Variants in MPHOSPH8 observed in about 807,000 individuals in gnomAD.
MPHOSPH8 encodes the protein M-phase phosphoprotein 8.
A neutral mutation model predicts 87.3 loss-of-function variants in MPHOSPH8; 45 were observed. The observed-to-expected ratio is 0.52, with a 90% CI of 0.41 to 0.66. The LOEUF (loss-of-function observed/expected upper bound fraction) is 0.66. Ranked by LOEUF, MPHOSPH8 falls within the 30% of genes least tolerant of loss-of-function variation. The probability of loss-of-function intolerance (pLI) is 0.00; values close to 1 mark genes in which losing one functional copy is unlikely to be tolerated. For synonymous variants in MPHOSPH8, 366 were observed against 376.9 expected (o/e 0.97, Z 0.33); for missense variants, 883 against 1,020.2 (o/e 0.87, Z 1.83).
chr13:19,635,778 G>A (rs1441823944), intron 1 of MPHOSPH8, among the ~76,000 whole-genome samples: 1 of 152,172 alleles, frequency 6.6e-6, no homozygotes, highest in Non-Finnish European at 1.5e-5. Context: ...TATGATTAAA[G>A]ATGATATGGT....
intron 9 of MPHOSPH8, among the ~76,000 whole-genome samples, chr13:19,663,555 T>G (rs1290429947): frequency 2.0e-5 from 3 of 152,194 alleles, no homozygotes; most frequent in African/African-American, 7.2e-5. Flanking sequence ...CTCTGTGTGT[T>G]CGTCATTTTA....
At chr13:19,635,493 C>G (rs1407176393) in intron 1 of MPHOSPH8, among the ~76,000 whole-genome samples, 2 of 152,056 alleles carry the variant, frequency 1.3e-5, no homozygotes, top group Non-Finnish European at 1.5e-5. Flanking sequence ...GCGCCACTGC[C>G]CTCCAGCCTG....
chr13:19,646,793 G>A lies in MPHOSPH8; in HGVS notation c.720G>A (p.Thr240=), dbSNP rs754513285. 1.0e-5 allele frequency: 16 copies of A among 1,579,806 alleles called. No homozygotes were observed. Among genetic ancestry groups the A allele is most frequent in the Non-Finnish European group, 1.3e-5 (15 of 1,168,086 alleles). Residue 240 remains threonine (T), a synonymous_variant, in exon 3 of 14, where the codon ACG becomes ACA. Coordinates refer to ENST00000361479, the MANE Select transcript of MPHOSPH8 (RefSeq NM_017520.4). The part of the protein sequence containing the change: ...VKKGEIRDLK[T]KTREDPKENR... ...AGGGTGAAATAAGAGATTTAAAGACGAAAACAAGAGAAGATCCCAAAGAAA... is the reference window on the plus strand; with the variant it reads ...AGGGTGAAATAAGAGATTTAAAGACAAAAACAAGAGAAGATCCCAAAGAAA...
chr13:19,633,719 T>A lies in MPHOSPH8; in HGVS notation c.-30T>A. ...CTGCTGGGGTGTTTGTCGCAGCGGGTTTTCCTCGGCGGTTTGCGGAGCTGC... is the reference window on the plus strand; with the variant it reads ...CTGCTGGGGTGTTTGTCGCAGCGGGATTTCCTCGGCGGTTTGCGGAGCTGC... On this transcript the variant is annotated 5_prime_UTR_variant, in exon 1 of 14. Transcript: ENST00000361479. 1 of 1,562,756 alleles carries A rather than the reference T, an allele frequency of 6.4e-7. No individual in the cohort carries two copies. The highest frequency in any genetic ancestry group is 8.7e-7 in the Non-Finnish European group (1 of 1,153,684).
At chr13:19,645,942 A>G (rs1249716333) in intron 2 of MPHOSPH8, among the ~76,000 whole-genome samples, 1 of 152,136 alleles carries the variant, frequency 6.6e-6, no homozygotes, top group Non-Finnish European at 1.5e-5. Flanking sequence ...ATTTCAGATA[A>G]CACATGAACT....
At chr13:19,650,774 G>A (rs1288706597) in intron 5 of MPHOSPH8, among the ~76,000 whole-genome samples, 1 of 152,042 alleles carries the variant, frequency 6.6e-6, no homozygotes, top group Non-Finnish European at 1.5e-5. Context: ...ATAAATCAGA[G>A]AGGTTAGTCT....
chr13:19,661,270 A>G (rs573303215), intron 7 of MPHOSPH8, among the ~76,000 whole-genome samples: 1 of 152,330 alleles, frequency 6.6e-6, no homozygotes, highest in African/African-American at 2.4e-5. Flanking sequence ...ATAGCATTAC[A>G]TCTTTTAAAA....
intron 7 of MPHOSPH8, among the ~76,000 whole-genome samples, chr13:19,660,464 A>AT (rs1031275506): frequency 6.6e-6 from 1 of 151,796 alleles, no homozygotes; most frequent in Non-Finnish European, 1.5e-5. Flanking sequence ...TTAGCTGTGG[A>AT]TTTTTTAGGT....
rs1274427403 is a variant in MPHOSPH8, at chr13:19,636,534, A to T, written c.213+2573A>T. Among the ~76,000 whole-genome samples, 3 of 150,734 alleles carry T rather than the reference A, an allele frequency of 2.0e-5. 1 individual carries two copies. In the East Asian group the frequency reaches 5.9e-4, roughly 29 times the overall value. On this transcript the variant is annotated intron_variant, in intron 1 of 13. Coordinates refer to ENST00000361479, the MANE Select transcript of MPHOSPH8 (RefSeq NM_017520.4). ...TTCTCTGTTGCCCAGGCTGGAGTGC[A>T]TTGGCATAATCATGGCTCTCTGCAG...
intron 5 of MPHOSPH8, among the ~76,000 whole-genome samples, chr13:19,650,722 GAGT>G (rs1874799233): frequency 6.6e-6 from 1 of 151,642 alleles, no homozygotes; most frequent in Non-Finnish European, 1.5e-5. Flanking sequence ...TGGGGAGGAG[GAGT>G]GCTAAAAAGT....
At chr13:19,657,259 TA>T (rs539653511) in intron 5 of MPHOSPH8, among the ~76,000 whole-genome samples, 242 of 151,956 alleles carry the variant, frequency 1.6e-3, no homozygotes, top group African/African-American at 5.6e-3. Flanking sequence ...TTCACGCCTG[TA>T]ATCCTAGCAG....
chr13:19,641,751 C>T (rs1874305715), intron 1 of MPHOSPH8, among the ~76,000 whole-genome samples: 1 of 152,012 alleles, frequency 6.6e-6, no homozygotes, highest in Non-Finnish European at 1.5e-5. Flanking sequence ...TTGCCTCGGC[C>T]TCCCAAAATG....
chr13:19,653,052 G>A (rs1287569515), intron 5 of MPHOSPH8, among the ~76,000 whole-genome samples: 1 of 152,146 alleles, frequency 6.6e-6, no homozygotes, highest in Non-Finnish European at 1.5e-5. Context: ...GAGAGCAGTG[G>A]ATCTCCCAGC....
At position 19,659,687 on chromosome 13, in the gene MPHOSPH8, G is replaced by A. The variant is rs146288478; in HGVS notation, c.1791+398G>A. ...CTCAAAAAAAAAAAAAATAATGCAC[G>A]TTCACTTTGTAAAATAAAAAAATTG... On this transcript the variant is annotated intron_variant, in intron 7 of 13. Transcript: ENST00000361479. 2.9e-4 allele frequency: 122 copies of A among 423,740 alleles called. No individual in the cohort carries two copies. The East Asian group carries it at 6.4e-3, about 22-fold the overall frequency. 26.2% of individuals were successfully genotyped at this position (423,740 alleles called of 1,614,324 possible).
At chr13:19,665,603 G>A (rs779526983) in intron 9 of MPHOSPH8, among the ~76,000 whole-genome samples, 1 of 152,136 alleles carries the variant, frequency 6.6e-6, no homozygotes, top group Non-Finnish European at 1.5e-5. Flanking sequence ...AGTTCCCCCT[G>A]CCAGAAGCAC....
intron 7 of MPHOSPH8, among the ~76,000 whole-genome samples, chr13:19,660,657 A>G (rs1875474693): frequency 6.6e-6 from 1 of 152,174 alleles, no homozygotes; most frequent in Admixed American, 6.5e-5. Context: ...TTTCATTCAT[A>G]TAGACGTTGC....
chr13:19,657,121 CAAA>C (rs11383127), intron 5 of MPHOSPH8, among the ~76,000 whole-genome samples: 2 of 70,086 alleles, frequency 2.9e-5, no homozygotes, highest in East Asian at 4.7e-4. Context: ...AACTCTGTCT[CAAA>C]AAAAAAAAAA....
At chr13:19,637,503 A>C (rs1391156963) in intron 1 of MPHOSPH8, among the ~76,000 whole-genome samples, 1 of 152,090 alleles carries the variant, frequency 6.6e-6, no homozygotes, top group African/African-American at 2.4e-5. Flanking sequence ...TTTTATGCAC[A>C]CACACAAACA....
intron 10 of MPHOSPH8, 56 bp from the exon 11 acceptor site, chr13:19,668,321 C>T: frequency 3.3e-6 from 5 of 1,526,304 alleles, no homozygotes; most frequent in South Asian, 2.4e-5. Flanking sequence ...TGGTATTCGA[C>T]AGGCTTGTGG....
Sources: gnomAD v4.1 joint callset for allele counts (sites outside exome capture counted in the v4.1 genomes callset) on GRCh38, gnomAD v4.1.1 for gene constraint, MANE v1.5 for transcripts, NCBI Gene and HGNC (gene_info 2026-07-23, HGNC 2026-07-21) for gene names.